The following DPYSL5 variants were observed in gnomAD, a reference collection of about 807,000 sequenced individuals.
DPYSL5 encodes the protein dihydropyrimidinase-related protein 5.
Under a neutral mutation model 58.4 loss-of-function variants are expected in DPYSL5, and 9 were observed. The ratio of observed to expected loss-of-function variants is 0.15; its 90% confidence interval spans 0.09 to 0.27. The LOEUF is 0.27. Among genes scored for constraint, DPYSL5 ranks in the 10% least tolerant of loss-of-function variants. The pLI, the probability that DPYSL5 is intolerant of heterozygous loss-of-function variation, is 1.00. For synonymous variants in DPYSL5, 293 were observed against 301.9 expected (o/e 0.97, Z 0.31); for missense variants, 499 against 770.6 (o/e 0.65, Z 4.17).
intron 1 of DPYSL5, among the ~76,000 whole-genome samples, chr2:26,886,784 G>A (rs1433246195): frequency 6.6e-6 from 1 of 152,064 alleles, no homozygotes; most frequent in South Asian, 2.1e-4. Context: ...TGACCCCAGG[G>A]TGCCTTATGT....
chr2:26,911,538 A>G (rs778175891), intron 2 of DPYSL5, among the ~76,000 whole-genome samples: 15 of 152,222 alleles, frequency 9.9e-5, no homozygotes, highest in African/African-American at 3.4e-4. Flanking sequence ...TGATGTAAAT[A>G]TATTGTCTTC....
chr2:26,939,129 T>G (rs1219939893), intron 8 of DPYSL5: 2 of 63,316 alleles, frequency 3.2e-5, no homozygotes, highest in African/African-American at 1.1e-4. Flanking sequence ...CAGCCTTGGA[T>G]GGAGGATGGC....
chr2:26,943,236 A>G (rs963310001), intron 11 of DPYSL5, among the ~76,000 whole-genome samples: 1 of 152,170 alleles, frequency 6.6e-6, no homozygotes, highest in East Asian at 1.9e-4. Context: ...AGAGCACACG[A>G]GAGGGCTCAG....
At position 26,932,208 on chromosome 2, in the gene DPYSL5, A is replaced by AAAGAAAGAAAAGAAAGAAAGAAAG. The variant is rs1178078504; in HGVS notation, c.714+526_714+527insGAAAGAAAAGAAAGAAAGAAAGAA. The stretch of plus-strand genomic sequence containing the variant: ...GAAAGAAAGAAAGAAAGAAAGAAAG[A>AAAGAAAGAAAAGAAAGAAAGAAAG]AAAGAAAGAAAGAAAGAAAGAAAGA... On this transcript the variant is annotated intron_variant, in intron 6 of 12. Coordinates refer to ENST00000288699, the MANE Select transcript of DPYSL5 (RefSeq NM_020134.4). 1.3e-4 allele frequency among the ~76,000 whole-genome samples: 9 copies of AAAGAAAGAAAAGAAAGAAAGAAAG among 70,224 alleles called. 1 individual carries two copies. The highest frequency in any genetic ancestry group is 5.1e-4 in the African/African-American group (9 of 17,478). The allele number at this position is 70,224 out of a possible 152,430, so 46.1% of individuals were successfully genotyped here.
chr2:26,875,305 C>T (rs1385489525), intron 1 of DPYSL5, among the ~76,000 whole-genome samples: 1 of 152,118 alleles, frequency 6.6e-6, no homozygotes, highest in Non-Finnish European at 1.5e-5. Context: ...CATTGGGTAA[C>T]CCAAGTGGGC....
At chr2:26,895,420 G>T (rs1024110638) in intron 1 of DPYSL5, among the ~76,000 whole-genome samples, 3 of 152,168 alleles carry the variant, frequency 2.0e-5, no homozygotes, top group Admixed American at 6.6e-5. Context: ...GTAGTTTTCA[G>T]CATACAAGTC....
chr2:26,899,099 T>A (rs1219069748), intron 2 of DPYSL5, among the ~76,000 whole-genome samples: 1 of 151,744 alleles, frequency 6.6e-6, no homozygotes, highest in Non-Finnish European at 1.5e-5. Context: ...AGTAGGGGAG[T>A]GGGTTTGTCT....
At chr2:26,936,209 G>A (rs1241893223) in intron 8 of DPYSL5, among the ~76,000 whole-genome samples, 1 of 152,206 alleles carries the variant, frequency 6.6e-6, no homozygotes, top group East Asian at 1.9e-4. Flanking sequence ...CTCCCTCCGA[G>A]GGTCCCGCTT....
intron 1 of DPYSL5, among the ~76,000 whole-genome samples, chr2:26,895,955 T>C (rs575320): frequency 0.013 from 1,974 of 151,912 alleles, 49 homozygotes; most frequent in African/African-American, 0.045. Flanking sequence ...AGTTCTTGTA[T>C]TTTTAGTAGA....
rs5830029 is a variant in DPYSL5, at chr2:26,867,459, G to GTT, written c.-5+19218_-5+19219dup. 9.6e-4 allele frequency among the ~76,000 whole-genome samples: 124 copies of GTT among 128,762 alleles called. 1 individual carries two copies. Among genetic ancestry groups the GTT allele is most frequent in the African/African-American group, 3.0e-3 (104 of 34,134 alleles). The allele number at this position is 128,762 out of a possible 152,430, so 84.5% of individuals were successfully genotyped here. On this transcript the variant is annotated intron_variant, in intron 1 of 12. Coordinates refer to ENST00000288699, the MANE Select transcript of DPYSL5 (RefSeq NM_020134.4). ...CAATTGTTTGTTTTTTTTTTTGTTT[G>GTT]TTTTTTTTTTTTTTGAGACGGAGTC...
chr2:26,913,904 T>C (rs1362314438), intron 2 of DPYSL5, among the ~76,000 whole-genome samples: 1 of 151,272 alleles, frequency 6.6e-6, no homozygotes, highest in African/African-American at 2.4e-5. Flanking sequence ...TGCATGCTTT[T>C]ACATTTCTCT....
At position 26,898,846 on chromosome 2, in the gene DPYSL5, C is replaced by A; in HGVS notation, c.261+86C>A. 6.8e-7 allele frequency: 1 copy of A among 1,474,278 alleles called. No individual in the cohort carries two copies. Among genetic ancestry groups the A allele is most frequent in the Non-Finnish European group, 9.1e-7 (1 of 1,095,986 alleles). 91.3% of individuals were successfully genotyped at this position (1,474,278 alleles called of 1,614,324 possible). A position where few individuals can be genotyped will look rare whatever the true frequency, so the allele number is the denominator to read the frequency against. ...CTGCTCCAGACTAGACTCATGTGAG[C>A]CAGGTGCTCCCAGTGTATTGCTGGC... On this transcript the variant is annotated intron_variant, in intron 2 of 12. Coordinates refer to ENST00000288699, the MANE Select transcript of DPYSL5 (RefSeq NM_020134.4). The surrounding 1 kb of genome is among the most constrained non-coding windows in gnomAD (Gnocchi z 6.1).
At chr2:26,907,487 G>A (rs903565822) in intron 2 of DPYSL5, among the ~76,000 whole-genome samples, 2 of 152,030 alleles carry the variant, frequency 1.3e-5, no homozygotes, top group African/African-American at 4.8e-5. Flanking sequence ...GCCTGATGTC[G>A]TGTCCCTGCA....
chr2:26,928,371 G>A (rs1664879051), intron 5 of DPYSL5, 48 bp downstream of exon 5: 1 of 1,592,570 alleles, frequency 6.3e-7, no homozygotes, highest in Non-Finnish European at 8.6e-7. Flanking sequence ...CATGTAGATT[G>A]ACAGAATCTT....
At chr2:26,921,044 G>A (rs1664690154) in intron 2 of DPYSL5, among the ~76,000 whole-genome samples, 1 of 152,076 alleles carries the variant, frequency 6.6e-6, no homozygotes, top group Non-Finnish European at 1.5e-5. Context: ...ATTTTAAATA[G>A]GGACCTTTGA....
chr2:26,895,322 T>C lies in DPYSL5; in HGVS notation c.-4-3174T>C, dbSNP rs141454382. Among the ~76,000 whole-genome samples the C allele has an allele frequency of 1.8e-4, 28 of 152,360 alleles. No individual in the cohort carries two copies. The East Asian group carries it at 5.2e-3, about 28-fold the overall frequency. On this transcript the variant is annotated intron_variant, in intron 1 of 12. Coordinates refer to ENST00000288699, the MANE Select transcript of DPYSL5 (RefSeq NM_020134.4). Reference sequence around the variant, plus strand: ...AACATGTATGTCAATTTGGGGAGAATTGACACCATGTTGAGTCTTCCAATC... The same window carrying C: ...AACATGTATGTCAATTTGGGGAGAACTGACACCATGTTGAGTCTTCCAATC...
intron 2 of DPYSL5, among the ~76,000 whole-genome samples, chr2:26,921,355 G>T (rs1558345947): frequency 2.0e-5 from 3 of 152,152 alleles, no homozygotes; most frequent in Admixed American, 1.3e-4. Flanking sequence ...ATTTTTATTG[G>T]CTTCCATTAA....
At chr2:26,920,534 G>A (rs1327855278) in intron 2 of DPYSL5, among the ~76,000 whole-genome samples, 4 of 152,232 alleles carry the variant, frequency 2.6e-5, no homozygotes, top group African/African-American at 9.6e-5. Context: ...GGGAGACTGA[G>A]GCATGCAGAT....
chr2:26,923,981 T>G (rs1213036083), intron 2 of DPYSL5, among the ~76,000 whole-genome samples: 1 of 152,224 alleles, frequency 6.6e-6, no homozygotes, highest in Admixed American at 6.5e-5. Flanking sequence ...AATTCTATTT[T>G]AAGTTTTGTT....
Sources: gnomAD v4.1 joint callset for allele counts (sites outside exome capture counted in the v4.1 genomes callset) on GRCh38, gnomAD v4.1.1 for gene constraint, Gnocchi (gnomAD v3.1) non-coding constraint, MANE v1.5 for transcripts, NCBI Gene and HGNC (gene_info 2026-07-23, HGNC 2026-07-21) for gene names.